Variants in AFF2 observed in about 807,000 individuals in gnomAD.
The protein encoded by AFF2 is AF4/FMR2 family member 2.
AFF2 carries 14 observed loss-of-function variants against 76.9 expected under a neutral mutation model. That is an observed-to-expected ratio of 0.18 (90% CI 0.12 to 0.28). The LOEUF is 0.28. AFF2 is among the 10% of genes least tolerant of loss of function. The probability of loss-of-function intolerance (pLI) is 1.00; values close to 1 mark genes in which losing one functional copy is unlikely to be tolerated. For synonymous variants in AFF2, 398 were observed against 366.7 expected (o/e 1.09, Z -0.98); for missense variants, 868 against 1,001.1 (o/e 0.87, Z 1.79).
intron 3 of AFF2, among the ~76,000 whole-genome samples, chrX:148,721,212 A>G (rs782340140): frequency 6.2e-5 from 7 of 112,314 alleles, no homozygotes; most frequent in African/African-American, 2.3e-4. Flanking sequence ...AAGAAACATG[A>G]CACTGAACAA....
At chrX:148,806,763 T>C (rs1256649001) in intron 3 of AFF2, among the ~76,000 whole-genome samples, 1 of 112,055 alleles carries the variant, frequency 8.9e-6, no homozygotes, top group Admixed American at 9.5e-5. Flanking sequence ...TAATTGTTTG[T>C]TTTCCTATCC....
Position 148,989,717 on chromosome X carries a change from T to A in AFF2, c.3815-1494T>A, listed in dbSNP as rs1276321930. On this transcript the variant is annotated intron_variant, in intron 20 of 20. Coordinates refer to ENST00000370460, the MANE Select transcript of AFF2 (RefSeq NM_002025.4). ...AGACAACCACGTATTTGCACGTTTT[T>A]TACCCAGTGGAGATGGGTGAAGTTG... 5.3e-5 allele frequency among the ~76,000 whole-genome samples: 6 copies of A among 112,486 alleles called. No individual in the cohort carries two copies. In the Admixed American group the frequency reaches 5.6e-4, roughly 11 times the overall value.
At chrX:148,879,639 G>A (rs978668321) in intron 7 of AFF2, among the ~76,000 whole-genome samples, 1 of 111,845 alleles carries the variant, frequency 8.9e-6, no homozygotes, top group Non-Finnish European at 1.9e-5. Context: ...AAAAGCAGCC[G>A]TGGATGATAT....
intron 1 of AFF2, among the ~76,000 whole-genome samples, chrX:148,604,961 A>T (rs782251310): frequency 1.8e-5 from 2 of 111,928 alleles, no homozygotes; most frequent in Non-Finnish European, 3.8e-5. Context: ...ACAAGAGGGA[A>T]CTATCCTTTA....
At chrX:148,567,225 C>T (rs782274088) in intron 1 of AFF2, among the ~76,000 whole-genome samples, 1 of 111,919 alleles carries the variant, frequency 8.9e-6, no homozygotes, top group Non-Finnish European at 1.9e-5. Flanking sequence ...AAGCACACCC[C>T]TAGTTCAATA....
intron 1 of AFF2, among the ~76,000 whole-genome samples, chrX:148,508,274 C>T (rs2052445667): frequency 8.9e-6 from 1 of 112,362 alleles, no homozygotes; most frequent in Non-Finnish European, 1.9e-5. Flanking sequence ...TACTGGTTCA[C>T]TTGGTGACCT....
intron 1 of AFF2, among the ~76,000 whole-genome samples, chrX:148,557,292 G>A (rs1557239814): frequency 2.7e-5 from 3 of 112,240 alleles, no homozygotes; most frequent in African/African-American, 9.7e-5. Flanking sequence ...TGTAAATAAA[G>A]GGAGATTTCT....
chrX:148,814,984 A>G (rs2070248011), intron 4 of AFF2, among the ~76,000 whole-genome samples: 1 of 111,667 alleles, frequency 9.0e-6, no homozygotes. Flanking sequence ...TAGGCAATTG[A>G]TTTTATATCC....
chrX:148,892,328 T>C (rs2071232478), intron 8 of AFF2, among the ~76,000 whole-genome samples: 1 of 108,422 alleles, frequency 9.2e-6, no homozygotes, highest in African/African-American at 3.3e-5. Context: ...CACTTCATAG[T>C]TTTGTTTTTT....
intron 3 of AFF2, among the ~76,000 whole-genome samples, chrX:148,713,252 A>G (rs1448407485): frequency 1.8e-5 from 2 of 111,681 alleles, no homozygotes; most frequent in Admixed American, 1.9e-4. Flanking sequence ...AGCATCTTGC[A>G]GACCATTTAT....
At chrX:148,661,747 C>T (rs1194826363) in intron 2 of AFF2, among the ~76,000 whole-genome samples, 161 bp from the exon 3 acceptor site, 2 of 111,075 alleles carry the variant, frequency 1.8e-5, no homozygotes, top group Admixed American at 1.9e-4. Flanking sequence ...GATTTTTTTT[C>T]TTACATAGCA....
chrX:148,708,597 C>T (rs782242516), intron 3 of AFF2, among the ~76,000 whole-genome samples: 1 of 112,009 alleles, frequency 8.9e-6, no homozygotes, highest in South Asian at 3.7e-4. Context: ...AAATGTAGTC[C>T]CAGATACTCG....
At chrX:148,653,457 C>A (rs1292583770) in intron 2 of AFF2, among the ~76,000 whole-genome samples, 1 of 111,330 alleles carries the variant, frequency 9.0e-6, no homozygotes, top group Admixed American at 9.5e-5. Flanking sequence ...TGCATGGTAA[C>A]AGAGAGATAG....
intron 3 of AFF2, among the ~76,000 whole-genome samples, chrX:148,727,292 C>T (rs191821833): frequency 5.1e-3 from 569 of 111,221 alleles, no homozygotes; most frequent in Non-Finnish European, 6.4e-3. Context: ...ATTCATTTAA[C>T]AATCGAATTA....
chrX:148,572,518 G>C (rs73249422), intron 1 of AFF2, among the ~76,000 whole-genome samples: 1 of 111,633 alleles, frequency 9.0e-6, no homozygotes, highest in Non-Finnish European at 1.9e-5. Context: ...AATATCCATC[G>C]ACTGATGAAT....
At chrX:148,542,540 T>G (rs2052871269) in intron 1 of AFF2, among the ~76,000 whole-genome samples, 1 of 111,739 alleles carries the variant, frequency 8.9e-6, no homozygotes, top group Non-Finnish European at 1.9e-5. Flanking sequence ...CATTTTGATC[T>G]TCTATACTAG....
intron 1 of AFF2, among the ~76,000 whole-genome samples, chrX:148,607,381 C>T (rs893674501): frequency 5.4e-5 from 6 of 110,557 alleles, no homozygotes; most frequent in Non-Finnish European, 1.1e-4. Flanking sequence ...GGTGAGTTTT[C>T]CAGTGCTGTT....
chrX:148,787,084 G>A (rs182898698), intron 3 of AFF2, among the ~76,000 whole-genome samples: 6 of 112,465 alleles, frequency 5.3e-5, no homozygotes, highest in South Asian at 3.6e-4. Flanking sequence ...GTAAACTAAC[G>A]AACAAATAAT....
chrX:148,685,559 C>A (rs1379060111), intron 3 of AFF2, among the ~76,000 whole-genome samples: 1 of 111,312 alleles, frequency 9.0e-6, no homozygotes, highest in East Asian at 2.8e-4. Context: ...AAATGACATT[C>A]CCAAATTCTA....
Sources: allele counts gnomAD v4.1 joint callset (sites outside exome capture counted in the v4.1 genomes callset), GRCh38; gene constraint gnomAD v4.1.1; transcripts MANE v1.5; gene names NCBI Gene and HGNC (gene_info 2026-07-23, HGNC 2026-07-21).